Variants in CEP164 observed in about 807,000 individuals in gnomAD.
The protein encoded by CEP164 is centrosomal protein of 164 kDa.
Under a neutral mutation model 182.7 loss-of-function variants are expected in CEP164, and 162 were observed. That is an observed-to-expected ratio of 0.89 (90% CI 0.78 to 1.01). The LOEUF (loss-of-function observed/expected upper bound fraction) is 1.01, where lower values mean the gene tolerates loss of function less well. CEP164 is among the 50% of genes least tolerant of loss of function. The pLI, the probability that CEP164 is intolerant of heterozygous loss-of-function variation, is 0.00. For missense variants in CEP164, 1,735 were observed against 1,790.4 expected (o/e 0.97, Z 0.56); for synonymous variants, 661 against 690.0 (o/e 0.96, Z 0.66).
chr11:117,356,295 T>TG (rs1022846887), intron 5 of CEP164: 2 of 1,111,668 alleles, frequency 1.8e-6, no homozygotes, highest in Admixed American at 8.8e-5. Context: ...CCGGAGGGCC[T>TG]GGGGCTGCCT....
chr11:117,370,969 A>G, intron 8 of CEP164, 111 bp from the exon 9 acceptor site: 1 of 1,149,510 alleles, frequency 8.7e-7, no homozygotes, highest in Non-Finnish European at 1.2e-6. Context: ...GGCAGAACTC[A>G]GGCACTGGCC....
At position 117,394,529 on chromosome 11, in the gene CEP164, C is replaced by T. The variant is rs1158850272; in HGVS notation, c.2760+36C>T. The T allele has an allele frequency of 1.2e-6, 2 of 1,609,994 alleles. No homozygotes were observed. The highest frequency in any genetic ancestry group is 1.7e-6 in the Non-Finnish European group (2 of 1,178,774). On this transcript the variant is annotated intron_variant, in intron 21 of 32. Transcript: ENST00000278935. The surrounding 1 kb of genome is among the most constrained non-coding windows in gnomAD (Gnocchi z 4.0). ...TGGGGCAGGGTGAGCCCACTGTGAC[C>T]CCTCCATGCACAGTAGGAAGGTGCT...
intron 1 of CEP164, among the ~76,000 whole-genome samples, chr11:117,332,085 T>TA (rs1379809491): frequency 1.3e-5 from 2 of 151,642 alleles, no homozygotes; most frequent in Non-Finnish European, 2.9e-5. Context: ...TGGTCCCCCA[T>TA]AGTATTGGGA....
At chr11:117,356,688 T>TA in intron 5 of CEP164, 3 of 1,197,238 alleles carry the variant, frequency 2.5e-6, no homozygotes, top group Non-Finnish European at 3.2e-6. Flanking sequence ...GTTGATGTCT[T>TA]ACCACAGCCA....
intron 8 of CEP164, among the ~76,000 whole-genome samples, chr11:117,367,088 C>T (rs2041716271): frequency 6.6e-6 from 1 of 152,180 alleles, no homozygotes; most frequent in Admixed American, 6.6e-5. Context: ...CTGCATTTCC[C>T]ACAGAGCCCA....
At chr11:117,322,164 G>C (rs1020149892) in intron 1 of CEP164, among the ~76,000 whole-genome samples, 1 of 152,106 alleles carries the variant, frequency 6.6e-6, no homozygotes, top group East Asian at 1.9e-4. Context: ...TGCCCAGGTT[G>C]GAGTACAGTG....
At chr11:117,353,581 C>T (rs974543306) in intron 5 of CEP164, among the ~76,000 whole-genome samples, 2 of 152,128 alleles carry the variant, frequency 1.3e-5, no homozygotes, top group Non-Finnish European at 2.9e-5. Flanking sequence ...TCTTAGAGCC[C>T]TCTGTTAAAA....
intron 20 of CEP164, among the ~76,000 whole-genome samples, chr11:117,393,899 GTGT>G (rs1245934853): frequency 1.3e-5 from 2 of 152,332 alleles, no homozygotes; most frequent in African/African-American, 4.8e-5. Flanking sequence ...ACCCTGCAGG[GTGT>G]TAAGACTACT....
Position 117,392,486 on chromosome 11 carries a change from G to A in CEP164, c.2362-10G>A. 6.2e-7 allele frequency: 1 copy of A among 1,611,782 alleles called. No homozygotes were observed. The highest frequency in any genetic ancestry group is 8.5e-7 in the Non-Finnish European group (1 of 1,178,976). ...GTCACACTCCCCTGTGTGTGCGGGG[G>A]CCTCCTCAGGTGGTCTCCAGCCTCC... On this transcript the variant is annotated splice_polypyrimidine_tract_variant and intron_variant, in intron 18 of 32. Transcript: ENST00000278935.
At position 117,386,542 on chromosome 11, in the gene CEP164, A is replaced by G. The variant is rs530410018; in HGVS notation, c.1725-661A>G. 2.6e-5 allele frequency: 4 copies of G among 152,652 alleles called. No homozygotes were observed. In the East Asian group the frequency reaches 7.7e-4, roughly 30 times the overall value. 9.5% of individuals were successfully genotyped at this position (152,652 alleles called of 1,614,324 possible). ...TCTAAGCAGACGAAAACGTGCCCCC[A>G]TGGGTAGACGGGGAACATGGCACTC... On this transcript the variant is annotated intron_variant, in intron 14 of 32. Transcript: ENST00000278935.
intron 4 of CEP164, among the ~76,000 whole-genome samples, chr11:117,350,354 T>C (rs1167647544): frequency 2.0e-5 from 3 of 152,076 alleles, no homozygotes; most frequent in Admixed American, 2.0e-4. Context: ...CAGACGTGTG[T>C]CACTGTGCCT....
intron 9 of CEP164, 89 bp from the exon 10 acceptor site, chr11:117,373,662 C>T: frequency 8.9e-7 from 1 of 1,124,614 alleles, no homozygotes. Context: ...CCTATATTGG[C>T]CCCATGGCCT....
intron 1 of CEP164, among the ~76,000 whole-genome samples, chr11:117,328,902 C>G (rs1254126216): frequency 6.6e-6 from 1 of 152,228 alleles, no homozygotes; most frequent in Non-Finnish European, 1.5e-5. Context: ...TTTCCCTCCT[C>G]TCTCCCGAAG....
At chr11:117,356,473 G>A (rs753829881) in intron 5 of CEP164, 10 of 1,283,816 alleles carry the variant, frequency 7.8e-6, no homozygotes, top group East Asian at 5.6e-5. Flanking sequence ...ATCCTCAGGA[G>A]GTGGCCCTCG....
At chr11:117,345,136 T>C (rs1175626543) in intron 4 of CEP164, among the ~76,000 whole-genome samples, 2 of 152,204 alleles carry the variant, frequency 1.3e-5, no homozygotes, top group Non-Finnish European at 2.9e-5. Flanking sequence ...ATTGATATTT[T>C]CAATTTTGGC....
intron 5 of CEP164, chr11:117,356,739 A>G (rs1297778600): frequency 2.0e-5 from 21 of 1,029,780 alleles, no homozygotes; most frequent in African/African-American, 3.5e-5. Flanking sequence ...CGTGGTAACT[A>G]TTGGCCCTTT....
At chr11:117,407,792 A>T in intron 27 of CEP164, 133 bp from the exon 28 acceptor site, 1 of 604,944 alleles carries the variant, frequency 1.7e-6, no homozygotes, top group Non-Finnish European at 3.0e-6. Context: ...GTGAAAAGTC[A>T]TAGTTCTCTG....
rs1360828180 is a variant in CEP164, at chr11:117,409,965, T to G, written c.4096T>G (p.Ser1366Ala). The G allele has an allele frequency of 8.7e-6, 14 of 1,613,928 alleles. No homozygotes were observed. The highest frequency in any genetic ancestry group is 1.6e-4 in the Middle Eastern group (1 of 6,084). ...GGAGAAGTGGCGCAAGTATTTTCCA[T>G]GTAAGCCCCACTCTGGGCGGAGCCT... ...LLEKWRKYFP[S>A]GIPLLSNSPT... The change falls in exon 30 of 33, where the codon TCT becomes GCT. Residue 1366 changes from serine to alanine, a missense_variant and splice_region_variant. Coordinates refer to ENST00000278935, the MANE Select transcript of CEP164 (RefSeq NM_014956.5). The surrounding 1 kb of genome is among the most constrained non-coding windows in gnomAD (Gnocchi z 4.4).
chr11:117,352,628 C>T (rs1339145304), intron 5 of CEP164, among the ~76,000 whole-genome samples: 2 of 152,138 alleles, frequency 1.3e-5, no homozygotes, highest in African/African-American at 2.4e-5. Flanking sequence ...ACTCTGTCAC[C>T]CAGGCTGGAG....
Sources: gnomAD v4.1 joint callset for allele counts (sites outside exome capture counted in the v4.1 genomes callset) on GRCh38, gnomAD v4.1.1 for gene constraint, Gnocchi (gnomAD v3.1) non-coding constraint, MANE v1.5 for transcripts, NCBI Gene and HGNC (gene_info 2026-07-23, HGNC 2026-07-21) for gene names.